The following BMPR1B variants were observed in gnomAD, a reference collection of about 807,000 sequenced individuals.
BMPR1B encodes the protein bone morphogenetic protein receptor type-1B.
A neutral mutation model predicts 59.1 loss-of-function variants in BMPR1B; 12 were observed. That is an observed-to-expected ratio of 0.20 (90% CI 0.13 to 0.33). BMPR1B has a LOEUF of 0.33. Ranked by LOEUF, BMPR1B falls within the 10% of genes least tolerant of loss-of-function variation. The probability of loss-of-function intolerance (pLI) is 1.00; values close to 1 mark genes in which losing one functional copy is unlikely to be tolerated. For missense variants in BMPR1B, 550 were observed against 610.9 expected (o/e 0.90, Z 1.05); for synonymous variants, 237 against 207.3 (o/e 1.14, Z -1.23).
At chr4:95,095,664 T>C (rs975848786) in intron 3 of BMPR1B, among the ~76,000 whole-genome samples, 2 of 152,144 alleles carry the variant, frequency 1.3e-5, no homozygotes, top group African/African-American at 4.8e-5. Context: ...TTAGTAGACC[T>C]TGTATGACAC....
At chr4:94,976,641 C>A (rs1035447614) in intron 2 of BMPR1B, among the ~76,000 whole-genome samples, 2 of 152,120 alleles carry the variant, frequency 1.3e-5, no homozygotes, top group Non-Finnish European at 2.9e-5. Flanking sequence ...ATATTGAAAG[C>A]CTTTGAATTA....
chr4:94,986,688 A>G (rs1178724880), intron 2 of BMPR1B, among the ~76,000 whole-genome samples: 1 of 150,928 alleles, frequency 6.6e-6, no homozygotes, highest in Non-Finnish European at 1.5e-5. Flanking sequence ...CATTTTTTAC[A>G]AAGATTAGTT....
intron 2 of BMPR1B, among the ~76,000 whole-genome samples, chr4:94,980,988 C>A (rs1462336296): frequency 6.7e-6 from 1 of 149,018 alleles, no homozygotes; most frequent in Non-Finnish European, 1.5e-5. Flanking sequence ...GAGCAAGACT[C>A]CATCACACAC....
chr4:94,860,158 A>C (rs1402754673), intron 1 of BMPR1B, among the ~76,000 whole-genome samples: 1 of 152,196 alleles, frequency 6.6e-6, no homozygotes, highest in East Asian at 1.9e-4. Flanking sequence ...TTGTAAGTTG[A>C]AAGAATTTAA....
At chr4:94,767,413 CTGTT>C (rs560891638) in intron 1 of BMPR1B, among the ~76,000 whole-genome samples, 63 of 152,158 alleles carry the variant, frequency 4.1e-4, no homozygotes, top group Non-Finnish European at 7.4e-4. Context: ...AACAAACATG[CTGTT>C]TGTTAGGAGC....
At chr4:94,824,817 A>G (rs1307664072) in intron 1 of BMPR1B, among the ~76,000 whole-genome samples, 1 of 152,192 alleles carries the variant, frequency 6.6e-6, no homozygotes, top group Admixed American at 6.5e-5. Context: ...ATAAAAATGT[A>G]ATGAAAGTTA....
chr4:94,906,944 G>A (rs1172095542), intron 2 of BMPR1B, among the ~76,000 whole-genome samples: 1 of 151,954 alleles, frequency 6.6e-6, no homozygotes, highest in Non-Finnish European at 1.5e-5. Context: ...GGGTTTTGTA[G>A]AGCAACTCTT....
At chr4:95,006,721 A>G (rs1033139055) in intron 3 of BMPR1B, among the ~76,000 whole-genome samples, 2 of 151,726 alleles carry the variant, frequency 1.3e-5, no homozygotes, top group African/African-American at 2.4e-5. Flanking sequence ...TTGTATCTTT[A>G]GTAGAGATTG....
intron 2 of BMPR1B, among the ~76,000 whole-genome samples, chr4:94,974,716 A>G (rs1730946594): frequency 6.6e-6 from 1 of 152,136 alleles, no homozygotes; most frequent in Non-Finnish European, 1.5e-5. Context: ...AACTTGCTTC[A>G]GAGCAGCGTT....
rs184705623 is a variant in BMPR1B, at chr4:94,924,058, T to G, written c.-113+48158T>G. The stretch of plus-strand genomic sequence containing the variant: ...TGGGGGACTGTGATGTTCTCTTTCA[T>G]TTTTGGAAGAAATCCTTGACCCTTC... On this transcript the variant is annotated intron_variant, in intron 2 of 12. Transcript: ENST00000515059. Among the ~76,000 whole-genome samples, 753 of 152,270 alleles carry G rather than the reference T, an allele frequency of 4.9e-3. 3 individuals carry two copies. The highest frequency in any genetic ancestry group is 0.017 in the African/African-American group (719 of 41,576).
chr4:95,152,587 T>C (rs1735122311), intron 11 of BMPR1B, 56 bp from the exon 12 acceptor site: 1 of 1,440,126 alleles, frequency 6.9e-7, no homozygotes. Flanking sequence ...TAGACTTTTA[T>C]TTCTACTTCA....
chr4:95,081,686 A>G (rs1729149716), intron 3 of BMPR1B, among the ~76,000 whole-genome samples: 1 of 152,178 alleles, frequency 6.6e-6, no homozygotes, highest in African/African-American at 2.4e-5. Context: ...TTTAGAACCT[A>G]TATTGTAACT....
chr4:95,076,914 C>T (rs1728755118), intron 3 of BMPR1B, among the ~76,000 whole-genome samples: 2 of 152,120 alleles, frequency 1.3e-5, no homozygotes, highest in South Asian at 2.1e-4. Flanking sequence ...AAGATTGAAT[C>T]AGTTCATGAA....
At chr4:94,928,007 A>G (rs955513984) in intron 2 of BMPR1B, among the ~76,000 whole-genome samples, 2 of 152,130 alleles carry the variant, frequency 1.3e-5, no homozygotes, top group Admixed American at 1.3e-4. Flanking sequence ...TTTTGTTAAC[A>G]GAAACTGGGC....
intron 1 of BMPR1B, among the ~76,000 whole-genome samples, chr4:94,833,220 T>C (rs986971102): frequency 1.8e-4 from 27 of 147,762 alleles, no homozygotes; most frequent in African/African-American, 5.5e-4. Flanking sequence ...AATGCAGGTA[T>C]AAATAAGTAC....
chr4:94,916,553 A>T (rs566717647), intron 2 of BMPR1B, among the ~76,000 whole-genome samples: 1 of 152,246 alleles, frequency 6.6e-6, no homozygotes, highest in African/African-American at 2.4e-5. Flanking sequence ...TCTAAGCAGC[A>T]AAGTGTTCAC....
At chr4:95,060,469 C>T (rs1727276907) in intron 3 of BMPR1B, among the ~76,000 whole-genome samples, 1 of 152,128 alleles carries the variant, frequency 6.6e-6, no homozygotes, top group East Asian at 1.9e-4. Context: ...CAAATATTGT[C>T]CCCAATGATG....
At chr4:95,023,311 A>G (rs1354581638) in intron 3 of BMPR1B, among the ~76,000 whole-genome samples, 3 of 152,200 alleles carry the variant, frequency 2.0e-5, no homozygotes, top group African/African-American at 7.2e-5. Context: ...CAACTCTTAC[A>G]TCAGACCTTT....
chr4:95,001,899 C>T (rs1395285347), intron 3 of BMPR1B, among the ~76,000 whole-genome samples: 2 of 152,108 alleles, frequency 1.3e-5, no homozygotes, highest in Non-Finnish European at 2.9e-5. Flanking sequence ...TGGCTCCATC[C>T]ATTCTTATTA....
Sources: allele counts gnomAD v4.1 joint callset (sites outside exome capture counted in the v4.1 genomes callset), GRCh38; gene constraint gnomAD v4.1.1; transcripts MANE v1.5; gene names NCBI Gene and HGNC (gene_info 2026-07-23, HGNC 2026-07-21).